The following SVEP1 variants were observed in gnomAD, a reference collection of about 807,000 sequenced individuals.
SVEP1 encodes the protein sushi, von Willebrand factor type A, EGF and pentraxin domain containing 1.
In SVEP1, 164 loss-of-function variants were observed where a neutral mutation model predicts 367.3. The ratio of observed to expected loss-of-function variants is 0.45; its 90% confidence interval spans 0.39 to 0.51. SVEP1 has a LOEUF of 0.51. SVEP1 is among the 20% of genes least tolerant of loss of function. SVEP1 has a pLI of 0.00. For missense variants in SVEP1, 4,117 were observed against 4,425.3 expected, an observed-to-expected ratio of 0.93 and a Z score of 1.98; for synonymous variants, 1,666 against 1,611.6, an observed-to-expected ratio of 1.03 and a Z score of -0.81.
intron 30 of SVEP1, among the ~76,000 whole-genome samples, chr9:110,433,902 C>T (rs1333155810): frequency 6.6e-6 from 1 of 152,092 alleles, no homozygotes; most frequent in Non-Finnish European, 1.5e-5. Context: ...ATGTAAACTA[C>T]ATAAGAATAG....
intron 3 of SVEP1, among the ~76,000 whole-genome samples, chr9:110,524,104 GTA>G (rs1829912046): frequency 6.6e-6 from 1 of 151,904 alleles, no homozygotes; most frequent in Non-Finnish European, 1.5e-5. Flanking sequence ...AATTCATACA[GTA>G]TTAAAAATAA....
intron 44 of SVEP1, among the ~76,000 whole-genome samples, chr9:110,378,642 C>T (rs1040972716): frequency 1.3e-5 from 2 of 151,324 alleles, no homozygotes; most frequent in African/African-American, 4.8e-5. Context: ...GTTGCCATTG[C>T]TTTTGGTGTT....
chr9:110,539,858 A>C (rs1588099028), intron 3 of SVEP1, among the ~76,000 whole-genome samples: 1 of 151,992 alleles, frequency 6.6e-6, no homozygotes, highest in East Asian at 1.9e-4. Context: ...AGAATAATAA[A>C]AATTGAAATT....
At position 110,407,659 on chromosome 9, in the gene SVEP1, A is replaced by C. The variant is rs1827976570; in HGVS notation, c.7941T>G (p.Thr2647=). The C allele has an allele frequency of 6.2e-7, 1 of 1,613,872 alleles. No individual in the cohort carries two copies. The change falls in exon 38 of 48, where the codon ACT becomes ACG. Residue 2647 remains threonine (T), a synonymous_variant. Coordinates refer to ENST00000374469, the MANE Select transcript of SVEP1 (RefSeq NM_153366.4). ...CTCCCAAATGATAAGGAGGGTGAGG[A>C]GTCACATATGGAACTTCCATCATGT... ...EDDMMEVPYV[T]PHPPYHLGAV...
At chr9:110,547,224 T>C (rs1191159897) in intron 2 of SVEP1, among the ~76,000 whole-genome samples, 1 of 152,112 alleles carries the variant, frequency 6.6e-6, no homozygotes, top group Non-Finnish European at 1.5e-5. Flanking sequence ...TGCAACCAGG[T>C]ACCCTGGTAA....
At chr9:110,512,604 C>CCACT (rs1322257916) in intron 5 of SVEP1, among the ~76,000 whole-genome samples, 2 of 152,118 alleles carry the variant, frequency 1.3e-5, no homozygotes, top group African/African-American at 4.8e-5. Context: ...GCATCAGTCT[C>CCACT]CACTCTGATT....
intron 46 of SVEP1, among the ~76,000 whole-genome samples, chr9:110,372,009 C>T (rs751577151): frequency 6.6e-6 from 1 of 151,484 alleles, no homozygotes; most frequent in African/African-American, 2.5e-5. Flanking sequence ...TAGCATCTTG[C>T]ACTTCGCATG....
intron 7 of SVEP1, among the ~76,000 whole-genome samples, chr9:110,497,311 A>G (rs1829465880): frequency 2.0e-5 from 3 of 152,162 alleles, no homozygotes; most frequent in Non-Finnish European, 2.9e-5. Flanking sequence ...GCTCTTGAAC[A>G]GGCTTAGACA....
chr9:110,553,852 T>A (rs942896143), intron 1 of SVEP1, among the ~76,000 whole-genome samples: 1 of 152,200 alleles, frequency 6.6e-6, no homozygotes, highest in South Asian at 2.1e-4. Context: ...AGCAAAAACC[T>A]TGGAATCATC....
chr9:110,569,996 G>A (rs1830535627), intron 1 of SVEP1, among the ~76,000 whole-genome samples: 3 of 152,186 alleles, frequency 2.0e-5, no homozygotes, highest in Non-Finnish European at 4.4e-5. Flanking sequence ...TTCACATATT[G>A]CATTTTCTGA....
intron 26 of SVEP1, 34 bp downstream of exon 26, chr9:110,445,803 T>A: frequency 6.2e-7 from 1 of 1,610,842 alleles, no homozygotes; most frequent in Non-Finnish European, 8.5e-7. Context: ...CAAGATAAGA[T>A]CTTAAGCATA....
At chr9:110,391,819 A>G (rs889238955) in intron 40 of SVEP1, among the ~76,000 whole-genome samples, 6 of 152,120 alleles carry the variant, frequency 3.9e-5, no homozygotes, top group Non-Finnish European at 8.8e-5. Context: ...GGATGAGATT[A>G]GCATTTAAAT....
intron 3 of SVEP1, among the ~76,000 whole-genome samples, chr9:110,539,574 AATATT>A (rs1339407397): frequency 6.6e-6 from 1 of 151,710 alleles, no homozygotes; most frequent in Non-Finnish European, 1.5e-5. Flanking sequence ...AAATATTGAT[AATATT>A]ATAAGGGACA....
chr9:110,574,917 TTG>T (rs1174994667), intron 1 of SVEP1, among the ~76,000 whole-genome samples: 2 of 151,824 alleles, frequency 1.3e-5, no homozygotes, highest in Admixed American at 6.6e-5. Flanking sequence ...GGCTAATTTT[TTG>T]TGTTTTTAGT....
chr9:110,504,625 G>A (rs1038130718), intron 5 of SVEP1, among the ~76,000 whole-genome samples: 12 of 152,176 alleles, frequency 7.9e-5, no homozygotes, highest in African/African-American at 2.9e-4. Flanking sequence ...AAAGAAAAAT[G>A]AAGCCTTAAT....
At position 110,406,846 on chromosome 9, in the gene SVEP1, G is replaced by A. The variant is rs2281937; in HGVS notation, c.8754C>T (p.His2918=). Residue 2918 remains histidine, a synonymous_variant, in exon 38 of 48, where the codon CAC becomes CAT. Coordinates refer to ENST00000374469, the MANE Select transcript of SVEP1 (RefSeq NM_153366.4). The part of the protein sequence containing the change: ...GFMKEVTFHC[H]EGYILHGAPK... ...GAGCACCGTGCAAGATGTAGCCCTCGTGACAGTGGAATGTTACTTCCTTCA... is the reference window on the plus strand; with the variant it reads ...GAGCACCGTGCAAGATGTAGCCCTCATGACAGTGGAATGTTACTTCCTTCA... 0.41 allele frequency: 664,860 copies of A among 1,613,680 alleles called. 141,702 individuals carry two copies. Among genetic ancestry groups the A allele is most frequent in the Non-Finnish European group, 0.44 (519,920 of 1,179,830 alleles).
intron 27 of SVEP1, among the ~76,000 whole-genome samples, chr9:110,438,480 C>T (rs1016016821): frequency 3.3e-5 from 5 of 152,142 alleles, no homozygotes; most frequent in Non-Finnish European, 7.3e-5. Context: ...ACTGGGATTA[C>T]AGATGTGAGC....
In SVEP1 at chr9:110,408,306, G is replaced by C. The variant is rs760597453; in HGVS notation, c.7294C>G (p.Leu2432Val). The C allele has an allele frequency of 4.1e-5, 66 of 1,613,876 alleles. No individual in the cohort carries two copies. The highest frequency in any genetic ancestry group is 5.2e-5 in the Non-Finnish European group (61 of 1,179,892). Residue 2432 changes from leucine (L) to valine (V), a missense_variant, in exon 38 of 48, where the codon CTG becomes GTG. Transcript: ENST00000374469. Reference protein sequence around the residue: ...CQPDGTWSSPLPECVPVECPQ... With the variant: ...CQPDGTWSSPVPECVPVECPQ... ...CATTCTACTGGAACACATTCTGGCAGTGGAGAGCTCCAGGTGCCATCAGGT... is the reference window on the plus strand; with the variant it reads ...CATTCTACTGGAACACATTCTGGCACTGGAGAGCTCCAGGTGCCATCAGGT...
At chr9:110,477,830 T>A (rs1488701132) in intron 13 of SVEP1, among the ~76,000 whole-genome samples, 1 of 152,184 alleles carries the variant, frequency 6.6e-6, no homozygotes, top group Non-Finnish European at 1.5e-5. Context: ...CATCTCTTGC[T>A]TTCATTTCCT....
Sources: allele counts gnomAD v4.1 joint callset (sites outside exome capture counted in the v4.1 genomes callset), GRCh38; gene constraint gnomAD v4.1.1; transcripts MANE v1.5; gene names NCBI Gene and HGNC (gene_info 2026-07-23, HGNC 2026-07-21).